The following AUH variants were observed in gnomAD, a reference collection of about 807,000 sequenced individuals.
AUH encodes the protein methylglutaconyl-CoA hydratase, mitochondrial.
AUH carries 29 observed loss-of-function variants against 42.3 expected under a neutral mutation model. The observed-to-expected ratio is 0.69, with a 90% CI of 0.51 to 0.93. The LOEUF (loss-of-function observed/expected upper bound fraction) is 0.93. AUH is among the 40% of genes least tolerant of loss of function. The pLI is 0.00. For missense variants in AUH, 452 were observed against 438.1 expected (o/e 1.03, Z -0.28); for synonymous variants, 174 against 166.4 (o/e 1.05, Z -0.35).
chr9:91,328,591 A>G (rs1323558141), intron 3 of AUH, among the ~76,000 whole-genome samples: 1 of 152,234 alleles, frequency 6.6e-6, no homozygotes, highest in Non-Finnish European at 1.5e-5. Context: ...ACTGGCAGTG[A>G]AGACTACAGG....
At chr9:91,315,618 T>C (rs997911906) in intron 4 of AUH, among the ~76,000 whole-genome samples, 1 of 152,006 alleles carries the variant, frequency 6.6e-6, no homozygotes, top group Non-Finnish European at 1.5e-5. Context: ...GAAAAAAAAA[T>C]ACAGTAAATA....
rs529818825 is a variant in AUH, at chr9:91,302,452, G to C, written c.506-4376C>G. On this transcript the variant is annotated intron_variant, in intron 4 of 9. Transcript: ENST00000375731. Reference sequence around the variant, plus strand: ...TAAAAATACAAAATTAGCTGGGCGTGGTGGTACATGACTGTAATCCCAGCT... The same window carrying C: ...TAAAAATACAAAATTAGCTGGGCGTCGTGGTACATGACTGTAATCCCAGCT... 3.0e-4 allele frequency among the ~76,000 whole-genome samples: 45 copies of C among 152,298 alleles called. No individual in the cohort carries two copies. In the South Asian group the frequency reaches 6.2e-3, roughly 21 times the overall value.
chr9:91,350,978 T>C (rs1340244922), intron 3 of AUH, among the ~76,000 whole-genome samples: 1 of 152,146 alleles, frequency 6.6e-6, no homozygotes, highest in Non-Finnish European at 1.5e-5. Flanking sequence ...TGATCTTTTT[T>C]TTTTCATTTT....
chr9:91,302,027 C>CTATA (rs1827823177), intron 4 of AUH, among the ~76,000 whole-genome samples: 1 of 152,114 alleles, frequency 6.6e-6, no homozygotes, highest in South Asian at 2.1e-4. Flanking sequence ...AATTCTAAGG[C>CTATA]TATACATCAT....
chr9:91,323,853 T>G (rs1829776275), intron 4 of AUH, among the ~76,000 whole-genome samples: 2 of 152,150 alleles, frequency 1.3e-5, no homozygotes, highest in South Asian at 4.1e-4. Flanking sequence ...TAGAAAGATT[T>G]ACTATCATAA....
chr9:91,271,972 G>A (rs202014696), intron 6 of AUH, among the ~76,000 whole-genome samples: 8 of 152,148 alleles, frequency 5.3e-5, no homozygotes, highest in African/African-American at 7.2e-5. Context: ...ATGAGCTACC[G>A]TACCCGGCCT....
intron 6 of AUH, among the ~76,000 whole-genome samples, chr9:91,229,856 TTTTC>T (rs1245260545): frequency 1.3e-5 from 2 of 151,736 alleles, no homozygotes; most frequent in Non-Finnish European, 2.9e-5. Context: ...TTGAAAATTC[TTTTC>T]TTTAAGAATG....
intron 3 of AUH, among the ~76,000 whole-genome samples, chr9:91,339,330 C>T (rs1830930531): frequency 6.6e-6 from 1 of 152,198 alleles, no homozygotes; most frequent in South Asian, 2.1e-4. Flanking sequence ...AGGGACTGTA[C>T]TGTCAATAGG....
chr9:91,266,516 T>C (rs1829986691), intron 6 of AUH, among the ~76,000 whole-genome samples: 2 of 152,252 alleles, frequency 1.3e-5, no homozygotes, highest in African/African-American at 4.8e-5. Context: ...GGTTAATTTG[T>C]GGCCTCTACA....
At chr9:91,315,874 T>C (rs545981642) in intron 4 of AUH, among the ~76,000 whole-genome samples, 9 of 152,298 alleles carry the variant, frequency 5.9e-5, no homozygotes, top group South Asian at 2.1e-4. Context: ...TGTGTGTATA[T>C]GTTGATTTTA....
intron 6 of AUH, among the ~76,000 whole-genome samples, chr9:91,285,869 G>A (rs931564842): frequency 2.6e-5 from 4 of 152,134 alleles, no homozygotes; most frequent in Non-Finnish European, 5.9e-5. Flanking sequence ...GACTTCAGAA[G>A]GCTGAATCAG....
At chr9:91,285,696 T>C (rs561745798) in intron 6 of AUH, among the ~76,000 whole-genome samples, 120 of 152,238 alleles carry the variant, frequency 7.9e-4, no homozygotes, top group African/African-American at 2.7e-3. Context: ...AAATGGTCTG[T>C]ACACAGTACA....
At chr9:91,279,219 T>C (rs192152053) in intron 6 of AUH, among the ~76,000 whole-genome samples, 1 of 152,266 alleles carries the variant, frequency 6.6e-6, no homozygotes, top group East Asian at 1.9e-4. Flanking sequence ...ACGTGCCAGG[T>C]AATGACATAG....
chr9:91,302,792 A>G (rs1198317835), intron 4 of AUH, among the ~76,000 whole-genome samples: 2 of 152,218 alleles, frequency 1.3e-5, no homozygotes, highest in East Asian at 3.8e-4. Flanking sequence ...AAAAATGTTA[A>G]TAATCATAGC....
chr9:91,309,395 C>G (rs2131742693), intron 4 of AUH, among the ~76,000 whole-genome samples: 1 of 152,228 alleles, frequency 6.6e-6, no homozygotes, highest in East Asian at 1.9e-4. Flanking sequence ...TCACACTCTC[C>G]TTCTTGAAAC....
In AUH at chr9:91,361,776, G is replaced by C. The variant is rs1480719706; in HGVS notation, c.114C>G (p.Gly38=). ...GGCCCGCTCGCCGGCCTGCCAACGA[G>C]CCGGGCAGCCTCAACCCCGGGCAGA... ...AWLCPGLRLP[G]SLAGRRAGPA... is the part of the protein sequence containing the mutation. Residue 38 remains glycine (G), a synonymous_variant, in exon 1 of 10, where the codon GGC becomes GGG. Coordinates refer to ENST00000375731, the MANE Select transcript of AUH (RefSeq NM_001698.3). The C allele has an allele frequency of 1.3e-6, 2 of 1,544,166 alleles. No individual in the cohort carries two copies. Among genetic ancestry groups the C allele is most frequent in the East Asian group, 4.9e-5 (2 of 40,522 alleles).
chr9:91,239,578 G>A (rs960527308), intron 6 of AUH, among the ~76,000 whole-genome samples: 1 of 152,214 alleles, frequency 6.6e-6, no homozygotes, highest in Admixed American at 6.5e-5. Context: ...CAGGGTTAAA[G>A]AGGAGTGAGC....
At chr9:91,357,490 G>C (rs1832506981) in intron 1 of AUH, 4 of 967,878 alleles carry the variant, frequency 4.1e-6, no homozygotes, top group Non-Finnish European at 3.7e-6. Flanking sequence ...GTACTATAGT[G>C]ATCAGCAGCC....
At chr9:91,357,362 G>T in intron 1 of AUH, 1 of 355,306 alleles carries the variant, frequency 2.8e-6, no homozygotes, top group Non-Finnish European at 3.9e-6. Context: ...CTATTAAGTG[G>T]TAATCTAACT....
Sources: allele counts gnomAD v4.1 joint callset (sites outside exome capture counted in the v4.1 genomes callset), GRCh38; gene constraint gnomAD v4.1.1; transcripts MANE v1.5; gene names NCBI Gene and HGNC (gene_info 2026-07-23, HGNC 2026-07-21).